The following PCDH11Y variants were observed in gnomAD, a reference collection of about 807,000 sequenced individuals.
PCDH11Y encodes protocadherin 11 Y-linked.
For synonymous variants in PCDH11Y, 9 were observed against 83.6 expected, an observed-to-expected ratio of 0.11 and a Z score of 4.87; for missense variants, 12 against 224.8, an observed-to-expected ratio of 0.05 and a Z score of 6.05.
chrY:5,321,578 C>A (rs2053112735), intron 2 of PCDH11Y, among the ~76,000 whole-genome samples: 1 of 33,315 alleles, frequency 3.0e-5, no homozygotes, highest in Non-Finnish European at 7.4e-5. Flanking sequence ...GGTGATGGTG[C>A]CATTTTAGCT....
chrY:5,601,583 A>G (rs2053472693), intron 4 of PCDH11Y, among the ~76,000 whole-genome samples: 1 of 32,751 alleles, frequency 3.1e-5, no homozygotes, highest in African/African-American at 1.2e-4. Flanking sequence ...TCTTACAAAT[A>G]TATACAAGAC....
chrY:5,291,325 G>A (rs2053067096), intron 2 of PCDH11Y, among the ~76,000 whole-genome samples: 14 of 33,379 alleles, frequency 4.2e-4, no homozygotes, highest in Non-Finnish European at 8.1e-4. Context: ...ATTGTTATTC[G>A]GTGGCGTCTT....
At chrY:5,604,613 A>G in intron 4 of PCDH11Y, among the ~76,000 whole-genome samples, 1 of 31,540 alleles carries the variant, frequency 3.2e-5, no homozygotes, top group African/African-American at 1.2e-4. Flanking sequence ...TATTGTCTAT[A>G]TTTAAGGTGT....
intron 2 of PCDH11Y, among the ~76,000 whole-genome samples, chrY:5,280,069 G>A: frequency 9.0e-5 from 2 of 22,222 alleles, no homozygotes; most frequent in Non-Finnish European, 2.0e-4. Flanking sequence ...ATCATATTTC[G>A]TTGCTATATA....
intron 2 of PCDH11Y, among the ~76,000 whole-genome samples, chrY:5,191,594 A>G (rs1602883427): frequency 3.2e-5 from 1 of 30,895 alleles, no homozygotes; most frequent in African/African-American, 1.3e-4. Flanking sequence ...AGCCCCGCAT[A>G]CATTAAATAT....
At chrY:5,325,457 C>T (rs2053118132) in intron 2 of PCDH11Y, among the ~76,000 whole-genome samples, 2 of 31,572 alleles carry the variant, frequency 6.3e-5, no homozygotes, top group Admixed American at 2.9e-4. Flanking sequence ...AAACATTTGT[C>T]GTATAGAATG....
chrY:5,192,654 A>G, intron 2 of PCDH11Y, among the ~76,000 whole-genome samples: 2 of 33,222 alleles, frequency 6.0e-5, no homozygotes, highest in Non-Finnish European at 1.5e-4. Context: ...AACTTGAACA[A>G]TGTCTTCTGA....
At chrY:5,279,512 A>G (rs2053050616) in intron 2 of PCDH11Y, among the ~76,000 whole-genome samples, 1 of 15,122 alleles carries the variant, frequency 6.6e-5, no homozygotes, top group Non-Finnish European at 1.4e-4. Flanking sequence ...GAAGGAAACC[A>G]GTTGCTCAAA....
intron 2 of PCDH11Y, among the ~76,000 whole-genome samples, chrY:5,197,605 T>C: frequency 3.3e-5 from 1 of 30,673 alleles, no homozygotes; most frequent in Non-Finnish European, 7.8e-5. Context: ...ATAGGCTGGA[T>C]TAAGAAAATG....
At chrY:5,708,099 CCAA>C (rs2053584155) in intron 4 of PCDH11Y, among the ~76,000 whole-genome samples, 2 of 32,593 alleles carry the variant, frequency 6.1e-5, no homozygotes, top group South Asian at 6.8e-4. Flanking sequence ...AACAAAACAA[CCAA>C]CAACAACAAC....
chrY:5,433,206 G>A, intron 2 of PCDH11Y, among the ~76,000 whole-genome samples: 1 of 33,587 alleles, frequency 3.0e-5, no homozygotes, highest in Non-Finnish European at 7.4e-5. Context: ...ATTGCTATAT[G>A]GGCACAACTG....
At chrY:5,190,141 C>A in intron 2 of PCDH11Y, among the ~76,000 whole-genome samples, 1 of 32,669 alleles carries the variant, frequency 3.1e-5, no homozygotes, top group Non-Finnish European at 7.5e-5. Flanking sequence ...TGTGCAATTC[C>A]CAGCTCTGGC....
At chrY:5,633,430 G>A (rs2124703926) in intron 4 of PCDH11Y, among the ~76,000 whole-genome samples, 1 of 27,926 alleles carries the variant, frequency 3.6e-5, no homozygotes, top group East Asian at 9.2e-4. Context: ...GTAACTCTAT[G>A]CTTTAAGACC....
chrY:5,113,717 T>TA (rs1452064599), intron 2 of PCDH11Y, among the ~76,000 whole-genome samples: 2 of 18,613 alleles, frequency 1.1e-4, no homozygotes, highest in East Asian at 1.3e-3. Context: ...TATCAGGGTT[T>TA]AAAAAAAAAA....
intron 2 of PCDH11Y, among the ~76,000 whole-genome samples, chrY:5,211,168 C>A (rs2052938222): frequency 3.2e-5 from 1 of 31,154 alleles, no homozygotes. Flanking sequence ...ATTTCCTTGC[C>A]TTTTCCACCT....
chrY:5,284,193 C>T, intron 2 of PCDH11Y, among the ~76,000 whole-genome samples: 1 of 32,766 alleles, frequency 3.1e-5, no homozygotes, highest in Admixed American at 2.9e-4. Flanking sequence ...AAATATCCTA[C>T]CTTGGTTCCT....
chrY:5,437,397 G>A, intron 2 of PCDH11Y, among the ~76,000 whole-genome samples: 1 of 31,908 alleles, frequency 3.1e-5, no homozygotes, highest in African/African-American at 1.2e-4. Flanking sequence ...AACACTGTCA[G>A]ACTGTGATCT....
At chrY:5,369,194 CA>C (rs2053184948) in intron 2 of PCDH11Y, among the ~76,000 whole-genome samples, 2 of 31,348 alleles carry the variant, frequency 6.4e-5, no homozygotes, top group Non-Finnish European at 1.5e-4. Context: ...TTGGAGGGGC[CA>C]GGGGCGAAAT....
chrY:5,677,165 G>A, intron 4 of PCDH11Y, among the ~76,000 whole-genome samples: 1 of 31,758 alleles, frequency 3.1e-5, no homozygotes, highest in African/African-American at 1.2e-4. Context: ...GTGGCTGGAT[G>A]GAGTGAGTGC....
Sources: gnomAD v4.1 joint callset for allele counts (sites outside exome capture counted in the v4.1 genomes callset) on GRCh38, gnomAD v4.1.1 for gene constraint, MANE v1.5 for transcripts, NCBI Gene and HGNC (gene_info 2026-07-23, HGNC 2026-07-21) for gene names.